Variants in PCDH15 observed in about 807,000 individuals in gnomAD.
PCDH15 encodes protocadherin related 15.
A neutral mutation model predicts 178.5 loss-of-function variants in PCDH15; 129 were observed. That is an observed-to-expected ratio of 0.72 (90% CI 0.63 to 0.84). PCDH15 has a LOEUF of 0.84. Among genes scored for constraint, PCDH15 ranks in the 40% least tolerant of loss-of-function variants. PCDH15 has a pLI of 0.00. For missense variants in PCDH15, 2,230 were observed against 2,099.9 expected (o/e 1.06, Z -1.21); for synonymous variants, 800 against 732.0 (o/e 1.09, Z -1.50).
At chr10:54,561,567 G>A (rs1469355598) in intron 2 of PCDH15, among the ~76,000 whole-genome samples, 1 of 151,998 alleles carries the variant, frequency 6.6e-6, no homozygotes, top group African/African-American at 2.4e-5. Flanking sequence ...ATCAGCAGTG[G>A]TGATAACTTA....
Position 54,728,752 on chromosome 10 carries a change from C to A in PCDH15, c.-28-64462G>T, listed in dbSNP as rs1942933895. ...AGTTTCAGGATACAAAATTAATGCA[C>A]AAAAATTGTAGCATTTCTATACATC... On this transcript the variant is annotated intron_variant, in intron 1 of 37. Transcript: ENST00000644397. 2.0e-5 allele frequency among the ~76,000 whole-genome samples: 3 copies of A among 151,486 alleles called. No individual in the cohort carries two copies. The Admixed American group carries it at 2.0e-4, about 10-fold the overall frequency.
At chr10:54,194,790 T>C (rs1207075842) in intron 11 of PCDH15, among the ~76,000 whole-genome samples, 1 of 152,098 alleles carries the variant, frequency 6.6e-6, no homozygotes, top group African/African-American at 2.4e-5. Flanking sequence ...GTGAGGATAC[T>C]GTGGTAGTTC....
intron 2 of PCDH15, among the ~76,000 whole-genome samples, chr10:55,369,753 A>G (rs539297687): frequency 7.2e-5 from 11 of 152,130 alleles, no homozygotes; most frequent in African/African-American, 2.6e-4. Flanking sequence ...TTACTTATTC[A>G]ACAGTCATGC....
chr10:54,749,462 T>G (rs1460894705), intron 1 of PCDH15, among the ~76,000 whole-genome samples: 2 of 152,086 alleles, frequency 1.3e-5, no homozygotes, highest in Admixed American at 1.3e-4. Flanking sequence ...AGAAGATAAT[T>G]TATATCTGAA....
At chr10:54,523,965 A>G (rs2083132916) in intron 3 of PCDH15, among the ~76,000 whole-genome samples, 1 of 152,206 alleles carries the variant, frequency 6.6e-6, no homozygotes, top group South Asian at 2.1e-4. Context: ...TGTAAGGAAG[A>G]GAGGATGGAG....
chr10:55,443,635 A>G (rs975518903), intron 2 of PCDH15, among the ~76,000 whole-genome samples: 6 of 152,018 alleles, frequency 3.9e-5, no homozygotes, highest in Non-Finnish European at 7.4e-5. Context: ...CAGGGAACAA[A>G]AGATGCTGGA....
chr10:55,472,994 CTAA>C (rs1430665230), intron 2 of PCDH15, among the ~76,000 whole-genome samples: 2 of 152,062 alleles, frequency 1.3e-5, no homozygotes, highest in East Asian at 3.9e-4. Context: ...ATGTACCCTG[CTAA>C]TAATTTTGCA....
chr10:54,419,584 T>C (rs1028501206), intron 3 of PCDH15, among the ~76,000 whole-genome samples: 2 of 152,118 alleles, frequency 1.3e-5, no homozygotes, highest in Admixed American at 6.6e-5. Flanking sequence ...GAAAGTCTTT[T>C]CCAAAAACTT....
In PCDH15 at chr10:54,620,751, T is replaced by C. The variant is rs560319684; in HGVS notation, c.91+43421A>G. On this transcript the variant is annotated intron_variant, in intron 2 of 37. Coordinates refer to ENST00000644397, the MANE Select transcript of PCDH15 (RefSeq NM_001384140.1). ...GTTTTCTGTACATCCTGTAGGATTG[T>C]CTGTATTTTGCAATAGAATTGCAAT... Among the ~76,000 whole-genome samples the C allele has an allele frequency of 2.0e-5, 3 of 152,146 alleles. No homozygotes were observed. In the South Asian group the frequency reaches 6.2e-4, roughly 32 times the overall value.
At chr10:54,223,323 A>AGAG (rs368152108) in intron 9 of PCDH15, among the ~76,000 whole-genome samples, 3 of 123,770 alleles carry the variant, frequency 2.4e-5, no homozygotes, top group African/African-American at 8.7e-5. Flanking sequence ...AAAAAAAAAA[A>AGAG]AGAGAAATTG....
At chr10:54,240,694 C>T (rs1430626167) in intron 8 of PCDH15, among the ~76,000 whole-genome samples, 8 of 137,200 alleles carry the variant, frequency 5.8e-5, no homozygotes, top group Non-Finnish European at 1.2e-4. Context: ...TGCAGTGGCG[C>T]GATCCCGGCT....
At chr10:55,543,569 G>A (rs949919192) in intron 2 of PCDH15, among the ~76,000 whole-genome samples, 5 of 151,298 alleles carry the variant, frequency 3.3e-5, no homozygotes, top group Non-Finnish European at 7.4e-5. Flanking sequence ...GATAACAAAA[G>A]CGGCATTTAG....
intron 2 of PCDH15, among the ~76,000 whole-genome samples, chr10:54,557,618 A>C (rs1236764023): frequency 6.6e-6 from 1 of 152,152 alleles, no homozygotes; most frequent in African/African-American, 2.4e-5. Flanking sequence ...CATCACCTGG[A>C]GATTTCATAA....
intron 26 of PCDH15, among the ~76,000 whole-genome samples, chr10:53,899,375 T>G (rs1021992580): frequency 6.6e-6 from 1 of 152,190 alleles, no homozygotes; most frequent in East Asian, 1.9e-4. Flanking sequence ...AACAATGTTT[T>G]TATTGTGTCA....
intron 8 of PCDH15, among the ~76,000 whole-genome samples, chr10:54,249,288 C>G (rs1591413204): frequency 2.6e-5 from 4 of 151,986 alleles, no homozygotes; most frequent in African/African-American, 9.7e-5. Flanking sequence ...TTTGCAATAG[C>G]TTTCCAAACC....
intron 2 of PCDH15, among the ~76,000 whole-genome samples, chr10:54,649,374 T>A (rs2094204170): frequency 6.6e-6 from 1 of 152,108 alleles, no homozygotes; most frequent in African/African-American, 2.4e-5. Context: ...TATTTGCTTA[T>A]AATGCTCTAA....
At chr10:54,250,433 C>T (rs2056383180) in intron 8 of PCDH15, among the ~76,000 whole-genome samples, 1 of 151,700 alleles carries the variant, frequency 6.6e-6, no homozygotes, top group Admixed American at 6.6e-5. Flanking sequence ...CAGGCACCCG[C>T]CACCACGCCC....
At chr10:54,901,472 T>A (rs1433838005) in intron 2 of PCDH15, among the ~76,000 whole-genome samples, 1 of 152,188 alleles carries the variant, frequency 6.6e-6, no homozygotes, top group Non-Finnish European at 1.5e-5. Flanking sequence ...TTTTATCATC[T>A]GGTGGCAATA....
chr10:54,493,889 T>C (rs1220761877), intron 3 of PCDH15, among the ~76,000 whole-genome samples: 2 of 152,020 alleles, frequency 1.3e-5, no homozygotes, highest in Non-Finnish European at 2.9e-5. Flanking sequence ...ATATACACCA[T>C]GGAATACTAT....
Sources: gnomAD v4.1 joint callset for allele counts (sites outside exome capture counted in the v4.1 genomes callset) on GRCh38, gnomAD v4.1.1 for gene constraint, MANE v1.5 for transcripts, NCBI Gene and HGNC (gene_info 2026-07-23, HGNC 2026-07-21) for gene names.